The following EGFLAM variants were observed in gnomAD, a reference collection of about 807,000 sequenced individuals.
EGFLAM encodes EGF like, fibronectin type III and laminin G domains.
In EGFLAM, 79 loss-of-function variants were observed where a neutral mutation model predicts 113.1. That is an observed-to-expected ratio of 0.70 (90% confidence interval 0.58 to 0.84). The LOEUF (loss-of-function observed/expected upper bound fraction) is 0.84, where lower values mean the gene tolerates loss of function less well. EGFLAM is among the 40% of genes least tolerant of loss of function. EGFLAM has a pLI of 0.00. For missense variants in EGFLAM, 1,265 were observed against 1,291.6 expected, an observed-to-expected ratio of 0.98 and a Z score of 0.32; for synonymous variants, 504 against 487.6, an observed-to-expected ratio of 1.03 and a Z score of -0.44.
chr5:38,382,558 T>C (rs1356730377), intron 6 of EGFLAM, among the ~76,000 whole-genome samples: 1 of 152,238 alleles, frequency 6.6e-6, no homozygotes, highest in Admixed American at 6.5e-5. Flanking sequence ...TAGACTGACA[T>C]GCACAGCTGA....
chr5:38,334,075 C>T (rs1404739833), intron 1 of EGFLAM, among the ~76,000 whole-genome samples: 2 of 151,942 alleles, frequency 1.3e-5, no homozygotes, highest in African/African-American at 4.8e-5. Context: ...AGACTCCTGC[C>T]ACCACGCCCA....
At chr5:38,357,173 T>A (rs368850588) in intron 5 of EGFLAM, among the ~76,000 whole-genome samples, 2 of 152,178 alleles carry the variant, frequency 1.3e-5, no homozygotes, top group East Asian at 3.9e-4. Flanking sequence ...GGAGGATCAC[T>A]TGAGCTTGGG....
chr5:38,442,785 G>C (rs1197403649), intron 17 of EGFLAM, among the ~76,000 whole-genome samples: 1 of 152,034 alleles, frequency 6.6e-6, no homozygotes, highest in Non-Finnish European at 1.5e-5. Flanking sequence ...AGGAGAGCCA[G>C]GGTGACAACA....
chr5:38,416,629 A>G (rs1399126017), intron 11 of EGFLAM, among the ~76,000 whole-genome samples: 1 of 152,194 alleles, frequency 6.6e-6, no homozygotes, highest in Non-Finnish European at 1.5e-5. Context: ...AAGGCACTTT[A>G]TGCTCTAGAA....
intron 5 of EGFLAM, among the ~76,000 whole-genome samples, chr5:38,357,615 T>C (rs1739796776): frequency 6.6e-6 from 1 of 152,150 alleles, no homozygotes; most frequent in South Asian, 2.1e-4. Context: ...CTTATTATTA[T>C]ACATCTAAGG....
chr5:38,291,505 G>A (rs529262592), intron 1 of EGFLAM, among the ~76,000 whole-genome samples: 23 of 152,252 alleles, frequency 1.5e-4, no homozygotes, highest in African/African-American at 5.5e-4. Flanking sequence ...ATGAGGGCAG[G>A]GTGGTTTCCA....
intron 5 of EGFLAM, among the ~76,000 whole-genome samples, chr5:38,358,724 T>C (rs1354320692): frequency 6.6e-6 from 1 of 152,050 alleles, no homozygotes; most frequent in Non-Finnish European, 1.5e-5. Flanking sequence ...ATAAAAGCTT[T>C]TAGGTGGCAG....
intron 1 of EGFLAM, among the ~76,000 whole-genome samples, chr5:38,317,751 T>C (rs1485544515): frequency 6.6e-6 from 1 of 152,222 alleles, no homozygotes; most frequent in Non-Finnish European, 1.5e-5. Context: ...TCTAACCCAA[T>C]GGCTTTACAG....
At position 38,258,577 on chromosome 5, in the gene EGFLAM, C is replaced by A; in HGVS notation, c.-178C>A. Reference sequence around the variant, plus strand: ...CGGCTTCACTCGCGCACGCCGACCTCCCGGCTGCAGTCCTACCTCTTGGAA... The same window carrying A: ...CGGCTTCACTCGCGCACGCCGACCTACCGGCTGCAGTCCTACCTCTTGGAA... On this transcript the variant is annotated 5_prime_UTR_variant, in exon 1 of 22. Transcript: ENST00000322350. 1 of 664,070 alleles carries A rather than the reference C, an allele frequency of 1.5e-6. No individual in the cohort carries two copies. The highest frequency in any genetic ancestry group is 2.6e-6 in the Non-Finnish European group (1 of 388,278). The allele number at this position is 664,070 out of a possible 1,614,324, so 41.1% of individuals were successfully genotyped here. A position where few individuals can be genotyped will look rare whatever the true frequency, so the allele number is the denominator to read the frequency against.
intron 15 of EGFLAM, among the ~76,000 whole-genome samples, chr5:38,433,012 T>C (rs898423513): frequency 6.6e-6 from 1 of 152,182 alleles, no homozygotes. Context: ...GTGTGTGCAT[T>C]GGAGGGACAT....
chr5:38,317,034 T>C (rs1017990061), intron 1 of EGFLAM, among the ~76,000 whole-genome samples: 1 of 152,266 alleles, frequency 6.6e-6, no homozygotes, highest in South Asian at 2.1e-4. Context: ...CTGGAAGTAA[T>C]TGGAAACATC....
At chr5:38,373,605 A>T (rs1307262422) in intron 6 of EGFLAM, among the ~76,000 whole-genome samples, 1 of 152,174 alleles carries the variant, frequency 6.6e-6, no homozygotes, top group Admixed American at 6.5e-5. Context: ...GTTCTTTGTT[A>T]TGGCTGCATA....
intron 2 of EGFLAM, 51 bp downstream of exon 2, chr5:38,337,680 A>G: frequency 1.4e-6 from 2 of 1,445,282 alleles, no homozygotes; most frequent in South Asian, 1.3e-5. Context: ...GTGTGACTGT[A>G]TGTCTTTCTC....
chr5:38,464,217 C>T lies in EGFLAM; in HGVS notation c.*231C>T, dbSNP rs1324725619. On this transcript the variant is annotated 3_prime_UTR_variant, in exon 22 of 22. Coordinates refer to ENST00000322350, the MANE Select transcript of EGFLAM (RefSeq NM_152403.4). The stretch of plus-strand genomic sequence containing the variant: ...GCAGAATTCTCTGTGTAGGAAGCAT[C>T]GGACTTTGTCCATTGAATATGTAGC... The T allele has an allele frequency of 2.1e-5, 11 of 533,906 alleles. No homozygotes were observed. Among genetic ancestry groups the T allele is most frequent in the Non-Finnish European group, 3.3e-5 (10 of 305,034 alleles). 33.1% of individuals were successfully genotyped at this position (533,906 alleles called of 1,614,324 possible).
At chr5:38,420,038 CA>C (rs984760152) in intron 12 of EGFLAM, among the ~76,000 whole-genome samples, 3 of 151,966 alleles carry the variant, frequency 2.0e-5, no homozygotes, top group African/African-American at 7.2e-5. Context: ...AAACAAAAAA[CA>C]AAAAACAAAA....
At position 38,464,251 on chromosome 5, in the gene EGFLAM, G is replaced by C. The variant is rs534225980; in HGVS notation, c.*265G>C. The C allele has an allele frequency of 2.0e-5, 9 of 450,348 alleles. No homozygotes were observed. The highest frequency in any genetic ancestry group is 1.8e-4 in the Admixed American group (5 of 28,414). 27.9% of individuals were successfully genotyped at this position (450,348 alleles called of 1,614,324 possible). A position where few individuals can be genotyped will look rare whatever the true frequency, so the allele number is the denominator to read the frequency against. On this transcript the variant is annotated 3_prime_UTR_variant, in exon 22 of 22. Coordinates refer to ENST00000322350, the MANE Select transcript of EGFLAM (RefSeq NM_152403.4). ...TCCATTGAATATGTAGCGGCTGCCA[G>C]AGATCACACATCAATGCAAATTCCA...
In EGFLAM at chr5:38,391,033, T is replaced by A. The variant is rs73749220; in HGVS notation, c.713-15093T>A. On this transcript the variant is annotated intron_variant, in intron 6 of 21. Transcript: ENST00000322350. ...ACATCTTAAGTTTTTTCTTTTTGAT[T>A]TATGCTTTCTGGCTAAAAACAACTT... Among the ~76,000 whole-genome samples the A allele has an allele frequency of 9.2e-5, 14 of 152,248 alleles. No homozygotes were observed. In the East Asian group the frequency reaches 2.3e-3, roughly 25 times the overall value.
chr5:38,278,486 A>G (rs1379709598), intron 1 of EGFLAM, among the ~76,000 whole-genome samples: 1 of 151,772 alleles, frequency 6.6e-6, no homozygotes, highest in Non-Finnish European at 1.5e-5. Flanking sequence ...TGATCTGGTC[A>G]ATGATTTTTT....
intron 1 of EGFLAM, among the ~76,000 whole-genome samples, chr5:38,299,134 T>C (rs928803156): frequency 9.9e-5 from 15 of 152,180 alleles, no homozygotes; most frequent in Admixed American, 8.5e-4. Flanking sequence ...TGAACCCAGG[T>C]TCTGTGGTCC....
Sources: gnomAD v4.1 joint callset for allele counts (sites outside exome capture counted in the v4.1 genomes callset) on GRCh38, gnomAD v4.1.1 for gene constraint, MANE v1.5 for transcripts, NCBI Gene and HGNC (gene_info 2026-07-23, HGNC 2026-07-21) for gene names.